RGS7BP: variants seen among roughly 807,000 people sequenced by gnomAD.
RGS7BP encodes the protein regulator of G protein signaling 7-binding protein.
RGS7BP carries 9 observed loss-of-function variants against 31.3 expected under a neutral mutation model. The ratio of observed to expected loss-of-function variants is 0.29; its 90% CI spans 0.17 to 0.50. The LOEUF is 0.50. Ranked by LOEUF, RGS7BP falls within the 20% of genes least tolerant of loss-of-function variation. The probability of loss-of-function intolerance (pLI) is 0.98; values close to 1 mark genes in which losing one functional copy is unlikely to be tolerated. For synonymous variants in RGS7BP, 115 were observed against 120.1 expected, an observed-to-expected ratio of 0.96 and a Z score of 0.28; for missense variants, 274 against 322.0, an observed-to-expected ratio of 0.85 and a Z score of 1.14.
intron 2 of RGS7BP, among the ~76,000 whole-genome samples, chr5:64,510,724 G>A (rs1217390584): frequency 6.6e-6 from 1 of 152,126 alleles, no homozygotes; most frequent in Non-Finnish European, 1.5e-5. Context: ...TTTTAGAAAG[G>A]TATTGTCATC....
intron 4 of RGS7BP, among the ~76,000 whole-genome samples, chr5:64,595,503 A>G (rs1743040479): frequency 6.6e-6 from 1 of 152,172 alleles, no homozygotes; most frequent in Non-Finnish European, 1.5e-5. Context: ...AAGAGACTCT[A>G]CAGTGATTTT....
intron 3 of RGS7BP, among the ~76,000 whole-genome samples, chr5:64,580,000 G>A (rs1014865444): frequency 2.6e-5 from 4 of 152,126 alleles, no homozygotes; most frequent in African/African-American, 9.7e-5. Flanking sequence ...AAACCGTAGA[G>A]CAACCTGTCT....
At chr5:64,598,332 G>C (rs1743129707) in intron 4 of RGS7BP, 33 bp from the exon 5 acceptor site, 2 of 1,229,496 alleles carry the variant, frequency 1.6e-6, no homozygotes, top group East Asian at 2.3e-5. Context: ...AAAATTTACA[G>C]CTGATTATTC....
intron 3 of RGS7BP, among the ~76,000 whole-genome samples, chr5:64,589,696 GGCTGA>G (rs1742856040): frequency 6.6e-6 from 1 of 152,156 alleles, no homozygotes; most frequent in Non-Finnish European, 1.5e-5. Context: ...CACTTTGGGA[GGCTGA>G]GGTGGGAGAA....
chr5:64,508,059 T>TATATTGCATATATTGCATA (rs999166502), intron 2 of RGS7BP, among the ~76,000 whole-genome samples, 182 bp downstream of exon 2: 1 of 152,246 alleles, frequency 6.6e-6, no homozygotes, highest in East Asian at 1.9e-4. Flanking sequence ...GGCTGTGTCA[T>TATATTGCATATATTGCATA]TCTTGCATAT....
chr5:64,525,391 A>C (rs886701914), intron 2 of RGS7BP, among the ~76,000 whole-genome samples: 8 of 152,196 alleles, frequency 5.3e-5, no homozygotes, highest in Non-Finnish European at 1.2e-4. Flanking sequence ...TTGTGGTTTT[A>C]GACTTCAACT....
chr5:64,594,622 C>A, intron 3 of RGS7BP, 88 bp from the exon 4 acceptor site: 1 of 1,303,466 alleles, frequency 7.7e-7, no homozygotes, highest in South Asian at 1.3e-5. Flanking sequence ...CAAAGCATAG[C>A]CAACCTTAGC....
At chr5:64,508,791 C>T (rs1748759822) in intron 2 of RGS7BP, among the ~76,000 whole-genome samples, 1 of 152,110 alleles carries the variant, frequency 6.6e-6, no homozygotes, top group East Asian at 1.9e-4. Context: ...TTAGACTCAC[C>T]TGATAATGTT....
intron 3 of RGS7BP, among the ~76,000 whole-genome samples, chr5:64,587,371 C>G: frequency 6.6e-6 from 1 of 152,002 alleles, no homozygotes; most frequent in South Asian, 2.1e-4. Context: ...AGAGGAAACC[C>G]TAGCAGATAA....
chr5:64,559,734 A>G (rs1452306150), intron 2 of RGS7BP, among the ~76,000 whole-genome samples: 1 of 152,170 alleles, frequency 6.6e-6, no homozygotes, highest in Admixed American at 6.6e-5. Context: ...AGCTTTACCG[A>G]TGCAGTACAT....
intron 2 of RGS7BP, among the ~76,000 whole-genome samples, chr5:64,516,668 C>A (rs556420129): frequency 2.0e-5 from 3 of 152,260 alleles, no homozygotes; most frequent in African/African-American, 7.2e-5. Flanking sequence ...CCTGAAGAAC[C>A]AAAACCTCTG....
chr5:64,526,645 G>A (rs1483908973), intron 2 of RGS7BP, among the ~76,000 whole-genome samples: 3 of 152,162 alleles, frequency 2.0e-5, no homozygotes, highest in African/African-American at 7.2e-5. Flanking sequence ...TGATACCTCT[G>A]TAGGACAGTT....
intron 2 of RGS7BP, among the ~76,000 whole-genome samples, chr5:64,532,029 A>G (rs1347477308): frequency 6.6e-6 from 1 of 152,002 alleles, no homozygotes; most frequent in Non-Finnish European, 1.5e-5. Flanking sequence ...AAAATTGCTC[A>G]TTGCTTATCG....
At chr5:64,589,085 C>T (rs1742838890) in intron 3 of RGS7BP, among the ~76,000 whole-genome samples, 1 of 151,686 alleles carries the variant, frequency 6.6e-6, no homozygotes, top group Non-Finnish European at 1.5e-5. Flanking sequence ...CACTTAGGGC[C>T]AGGAGTTCAG....
Position 64,507,694 on chromosome 5 carries a change from A to C in RGS7BP, c.166-17A>C, listed in dbSNP as rs769878074. 26 of 1,552,434 alleles carry C rather than the reference A, an allele frequency of 1.7e-5. No individual in the cohort carries two copies. In the East Asian group the frequency reaches 4.5e-4, roughly 27 times the overall value. Reference sequence around the variant, plus strand: ...AGAAATGTTTGGTAAAAAAAAAAAAACTCACTTCTTTTCCAGCTTGTCCAA... The same window carrying C: ...AGAAATGTTTGGTAAAAAAAAAAAACCTCACTTCTTTTCCAGCTTGTCCAA... On this transcript the variant is annotated splice_polypyrimidine_tract_variant and intron_variant, in intron 1 of 5. Coordinates refer to ENST00000334025, the MANE Select transcript of RGS7BP (RefSeq NM_001029875.3).
chr5:64,570,793 A>G (rs1284622611), intron 2 of RGS7BP, among the ~76,000 whole-genome samples: 4 of 152,186 alleles, frequency 2.6e-5, no homozygotes, highest in Non-Finnish European at 4.4e-5. Flanking sequence ...TTAACATTTT[A>G]CGATATTTGC....
At chr5:64,588,397 G>A (rs894536591) in intron 3 of RGS7BP, among the ~76,000 whole-genome samples, 1 of 152,124 alleles carries the variant, frequency 6.6e-6, no homozygotes, top group Non-Finnish European at 1.5e-5. Flanking sequence ...TAATGAAAAT[G>A]TTTCCCTCTT....
At chr5:64,537,257 A>C (rs1247703933) in intron 2 of RGS7BP, among the ~76,000 whole-genome samples, 1 of 152,198 alleles carries the variant, frequency 6.6e-6, no homozygotes, top group Non-Finnish European at 1.5e-5. Flanking sequence ...ATGATAGCTG[A>C]TGAGCTAAAA....
chr5:64,510,702 T>C (rs935788420), intron 2 of RGS7BP, among the ~76,000 whole-genome samples: 69 of 152,236 alleles, frequency 4.5e-4, no homozygotes, highest in African/African-American at 1.6e-3. Flanking sequence ...AAAGTATACC[T>C]CAATAATTGT....
Sources: allele counts gnomAD v4.1 joint callset (sites outside exome capture counted in the v4.1 genomes callset), GRCh38; gene constraint gnomAD v4.1.1; transcripts MANE v1.5; gene names NCBI Gene and HGNC (gene_info 2026-07-23, HGNC 2026-07-21).